Variants in SNTG1 observed in about 807,000 individuals in gnomAD.
SNTG1 encodes syntrophin gamma 1, also known as gamma-1-syntrophin.
A neutral mutation model predicts 74.7 loss-of-function variants in SNTG1; 39 were observed. That is an observed-to-expected ratio of 0.52 (90% CI 0.40 to 0.68). SNTG1 has a LOEUF of 0.68. SNTG1 is among the 30% of genes least tolerant of loss of function. SNTG1 has a pLI of 0.00. For missense variants in SNTG1, 685 were observed against 609.5 expected (o/e 1.12, Z -1.30); for synonymous variants, 254 against 217.1 (o/e 1.17, Z -1.49).
chr8:49,938,607 C>CTTTTCTTTTCTTTTCT (rs60669251), intron 1 of SNTG1, among the ~76,000 whole-genome samples: 329 of 27,772 alleles, frequency 0.012, 1 homozygote, highest in Non-Finnish European at 0.016. Flanking sequence ...CTTTTCTTTT[C>CTTTTCTTTTCTTTTCT]TTTCTTTCTT....
intron 13 of SNTG1, among the ~76,000 whole-genome samples, chr8:50,648,899 A>G (rs1002137638): frequency 6.6e-6 from 1 of 152,066 alleles, no homozygotes; most frequent in Non-Finnish European, 1.5e-5. Context: ...TTGCTTTGCT[A>G]TACTACTTTT....
intron 1 of SNTG1, among the ~76,000 whole-genome samples, chr8:49,986,554 G>A (rs185741252): frequency 1.3e-5 from 2 of 151,946 alleles, no homozygotes; most frequent in African/African-American, 2.4e-5. Flanking sequence ...ACATCTGAGT[G>A]GCCATGCCTG....
intron 17 of SNTG1, among the ~76,000 whole-genome samples, chr8:50,715,569 T>G (rs2131576063): frequency 6.6e-6 from 1 of 152,320 alleles, no homozygotes; most frequent in South Asian, 2.1e-4. Context: ...AAGAATGAGC[T>G]CTATCACAGG....
At chr8:50,178,406 C>T (rs187970738) in intron 2 of SNTG1, among the ~76,000 whole-genome samples, 2,332 of 151,084 alleles carry the variant, frequency 0.015, 52 homozygotes, top group African/African-American at 0.05. Flanking sequence ...CACACGTGCG[C>T]GCGCACACAC....
chr8:49,917,275 C>T (rs1306930807), intron 1 of SNTG1, among the ~76,000 whole-genome samples: 1 of 152,040 alleles, frequency 6.6e-6, no homozygotes. Context: ...TTATTATGTC[C>T]ATGAGAAAAT....
chr8:50,115,942 G>C (rs954462272), intron 1 of SNTG1, among the ~76,000 whole-genome samples: 1 of 152,032 alleles, frequency 6.6e-6, no homozygotes, highest in African/African-American at 2.4e-5. Context: ...CACTACAGCA[G>C]TCCCAAGGTC....
chr8:50,292,668 A>G (rs1373435542), intron 2 of SNTG1, among the ~76,000 whole-genome samples: 1 of 152,090 alleles, frequency 6.6e-6, no homozygotes, highest in Non-Finnish European at 1.5e-5. Context: ...TGCTTGGAAG[A>G]GGTATTACTG....
intron 1 of SNTG1, among the ~76,000 whole-genome samples, chr8:50,019,946 T>C (rs1816671365): frequency 6.6e-6 from 1 of 152,106 alleles, no homozygotes; most frequent in African/African-American, 2.4e-5. Flanking sequence ...GTGAAAATAT[T>C]GTAATCTTTC....
intron 8 of SNTG1, among the ~76,000 whole-genome samples, chr8:50,475,159 G>A (rs1275306522): frequency 2.6e-5 from 4 of 151,506 alleles, no homozygotes; most frequent in Admixed American, 6.6e-5. Context: ...GCACACCGAC[G>A]TGGCACATGT....
At chr8:50,325,151 C>T (rs1448861285) in intron 2 of SNTG1, among the ~76,000 whole-genome samples, 2 of 150,966 alleles carry the variant, frequency 1.3e-5, no homozygotes, top group African/African-American at 4.9e-5. Flanking sequence ...TAAAGTTAGG[C>T]AGTGTCAGTC....
chr8:50,555,418 T>C (rs1016018590), intron 12 of SNTG1, among the ~76,000 whole-genome samples: 1 of 152,174 alleles, frequency 6.6e-6, no homozygotes, highest in Non-Finnish European at 1.5e-5. Context: ...TCACATTGAT[T>C]TCAGAGAAGG....
intron 2 of SNTG1, among the ~76,000 whole-genome samples, chr8:50,212,979 C>T (rs1343274522): frequency 1.3e-5 from 2 of 152,196 alleles, no homozygotes; most frequent in African/African-American, 4.8e-5. Flanking sequence ...TTAATGATGC[C>T]TCTCCCAATA....
chr8:50,589,628 A>C (rs545780446), intron 12 of SNTG1, among the ~76,000 whole-genome samples: 4 of 152,088 alleles, frequency 2.6e-5, no homozygotes, highest in Non-Finnish European at 5.9e-5. Flanking sequence ...GAAGCTACAT[A>C]GTACATTATT....
intron 12 of SNTG1, among the ~76,000 whole-genome samples, chr8:50,589,428 G>A (rs982865394): frequency 3.3e-5 from 5 of 152,034 alleles, no homozygotes; most frequent in African/African-American, 1.2e-4. Flanking sequence ...TCTGTGCTTG[G>A]CTCAGAAGTT....
chr8:50,713,467 A>G (rs993622146), intron 17 of SNTG1, among the ~76,000 whole-genome samples: 1 of 152,022 alleles, frequency 6.6e-6, no homozygotes. Context: ...GTTCACTCTG[A>G]TGATAGTTTC....
At chr8:50,725,989 T>A (rs2095499136) in intron 17 of SNTG1, among the ~76,000 whole-genome samples, 1 of 152,212 alleles carries the variant, frequency 6.6e-6, no homozygotes, top group Non-Finnish European at 1.5e-5. Context: ...TTCTACCTAC[T>A]CTGTCTTCCC....
At chr8:50,286,202 G>A (rs992884295) in intron 2 of SNTG1, among the ~76,000 whole-genome samples, 1 of 152,130 alleles carries the variant, frequency 6.6e-6, no homozygotes, top group African/African-American at 2.4e-5. Flanking sequence ...GAAAATCTGA[G>A]CAGAGGAGAC....
At chr8:50,337,331 A>G in intron 2 of SNTG1, among the ~76,000 whole-genome samples, 1 of 152,174 alleles carries the variant, frequency 6.6e-6, no homozygotes, top group East Asian at 1.9e-4. Context: ...ATAACTGATG[A>G]ATTGGTGGTT....
At chr8:50,293,963 A>G (rs1224230059) in intron 2 of SNTG1, among the ~76,000 whole-genome samples, 2 of 152,214 alleles carry the variant, frequency 1.3e-5, no homozygotes, top group Non-Finnish European at 1.5e-5. Context: ...TTATGCTGTG[A>G]CATTACTGGA....
Sources: gnomAD v4.1 joint callset for allele counts (sites outside exome capture counted in the v4.1 genomes callset) on GRCh38, gnomAD v4.1.1 for gene constraint, MANE v1.5 for transcripts, NCBI Gene and HGNC (gene_info 2026-07-23, HGNC 2026-07-21) for gene names.